CXADR: variants seen among roughly 807,000 people sequenced by gnomAD.
CXADR encodes CXADR cell adhesion molecule.
CXADR carries 20 observed loss-of-function variants against 40.3 expected under a neutral mutation model. That is an observed-to-expected ratio of 0.50 (90% CI 0.35 to 0.72). The LOEUF (loss-of-function observed/expected upper bound fraction) is 0.72, where lower values mean the gene tolerates loss of function less well. CXADR is among the 30% of genes least tolerant of loss of function. The pLI is 0.01. For missense variants in CXADR, 332 were observed against 449.1 expected (o/e 0.74, Z 2.36); for synonymous variants, 150 against 161.3 (o/e 0.93, Z 0.53).
the CXADR span, among the ~76,000 whole-genome samples, chr21:17,619,297 A>G: frequency 2.0e-5 from 3 of 152,226 alleles, no homozygotes; most frequent in African/African-American, 7.2e-5. Context: ...AGGTGGGTGG[A>G]TCATGTAAAA....
Position 17,566,170 on chromosome 21 carries a change from A to G in CXADR, c.*478A>G, listed in dbSNP as rs1308880067. The G allele has an allele frequency of 1.2e-5, 12 of 984,760 alleles. No individual in the cohort carries two copies. Among genetic ancestry groups the G allele is most frequent in the Non-Finnish European group, 1.4e-5 (12 of 829,428 alleles). The allele number at this position is 984,760 out of a possible 1,614,324, so 61.0% of individuals were successfully genotyped here. A position where few individuals can be genotyped will look rare whatever the true frequency, so the allele number is the denominator to read the frequency against. On this transcript the variant is annotated 3_prime_UTR_variant, in exon 7 of 7. Coordinates refer to ENST00000284878, the MANE Select transcript of CXADR (RefSeq NM_001338.5). ...ATATCCATGACAAAATTACTTACGTATGTTTGTACTTGGTTTTACAGCTCC... is the reference window on the plus strand; with the variant it reads ...ATATCCATGACAAAATTACTTACGTGTGTTTGTACTTGGTTTTACAGCTCC...
chr21:17,603,069 C>G, the CXADR span, among the ~76,000 whole-genome samples: 1 of 152,178 alleles, frequency 6.6e-6, no homozygotes, highest in Non-Finnish European at 1.5e-5. Context: ...AATGCTGCTT[C>G]TCACATTTCA....
chr21:17,634,351 A>G, the CXADR span, among the ~76,000 whole-genome samples: 1 of 152,144 alleles, frequency 6.6e-6, no homozygotes, highest in African/African-American at 2.4e-5. Flanking sequence ...ACTTTGCAAA[A>G]TTTTGTTCAT....
At chr21:17,527,601 A>C (rs999991391) in intron 1 of CXADR, among the ~76,000 whole-genome samples, 2 of 152,120 alleles carry the variant, frequency 1.3e-5, no homozygotes, top group Admixed American at 1.3e-4. Context: ...TCGTGCAGCT[A>C]TGGTACCAGG....
intron 1 of CXADR, among the ~76,000 whole-genome samples, chr21:17,526,783 T>G (rs2060603256): frequency 6.6e-6 from 1 of 152,254 alleles, no homozygotes; most frequent in Non-Finnish European, 1.5e-5. Context: ...ATATCTTATT[T>G]TCTGTGATCA....
intron 1 of CXADR, among the ~76,000 whole-genome samples, chr21:17,535,988 A>G (rs996891504): frequency 6.6e-6 from 1 of 152,214 alleles, no homozygotes; most frequent in East Asian, 1.9e-4. Flanking sequence ...AGCCTGGGTG[A>G]CAGAGCCAGA....
the CXADR span, among the ~76,000 whole-genome samples, chr21:17,629,387 CAA>C: frequency 1.6e-3 from 130 of 80,556 alleles, no homozygotes; most frequent in African/African-American, 4.5e-3. Flanking sequence ...GACTGTGTCT[CAA>C]AAAAAAAAAA....
intron 1 of CXADR, among the ~76,000 whole-genome samples, chr21:17,541,109 A>G (rs1600985599): frequency 6.6e-6 from 1 of 152,116 alleles, no homozygotes; most frequent in East Asian, 1.9e-4. Flanking sequence ...GTTAGGATTG[A>G]TGAACCCGTA....
the CXADR span, among the ~76,000 whole-genome samples, chr21:17,607,696 T>C: frequency 6.6e-6 from 1 of 152,194 alleles, no homozygotes. Flanking sequence ...AAAGTGTTGA[T>C]TTGTGTAGGA....
downstream of CXADR, among the ~76,000 whole-genome samples, chr21:17,572,060 C>A (rs1407832827): frequency 1.3e-5 from 2 of 152,048 alleles, no homozygotes; most frequent in Admixed American, 6.6e-5. Context: ...CTGGCCTGGT[C>A]TCTTCAAAAA....
intron 7 of CXADR, among the ~76,000 whole-genome samples, chr21:17,586,672 G>T (rs1347725523): frequency 6.6e-6 from 1 of 151,578 alleles, no homozygotes. Flanking sequence ...TTTGAAGTAG[G>T]GGGTTAATTT....
At chr21:17,542,796 C>A in intron 1 of CXADR, among the ~76,000 whole-genome samples, 1 of 152,268 alleles carries the variant, frequency 6.6e-6, no homozygotes, top group East Asian at 1.9e-4. Context: ...AAGTAGTTTG[C>A]AAGTTAAATT....
intron 3 of CXADR, among the ~76,000 whole-genome samples, chr21:17,554,583 G>T (rs914634053): frequency 3.3e-5 from 5 of 152,176 alleles, no homozygotes; most frequent in African/African-American, 1.2e-4. Flanking sequence ...ATCTGGACGA[G>T]GTTGTGTCAG....
At chr21:17,563,940 C>CA (rs35020228) in intron 6 of CXADR, among the ~76,000 whole-genome samples, 1,410 of 37,168 alleles carry the variant, frequency 0.038, 156 homozygotes, top group African/African-American at 0.1. Flanking sequence ...GACTCTGTCT[C>CA]AAAAAAAAAA....
At chr21:17,528,789 C>T (rs2060632111) in intron 1 of CXADR, among the ~76,000 whole-genome samples, 1 of 152,140 alleles carries the variant, frequency 6.6e-6, no homozygotes, top group Non-Finnish European at 1.5e-5. Flanking sequence ...TCTCATTCTG[C>T]ATCACACCTT....
intron 1 of CXADR, among the ~76,000 whole-genome samples, chr21:17,519,496 A>AT (rs540259398): frequency 9.9e-4 from 150 of 152,134 alleles, no homozygotes; most frequent in Admixed American, 7.8e-3. Flanking sequence ...ACCTCGTTCT[A>AT]TTTTTTCTCC....
chr21:17,550,098 T>C (rs2060946533), intron 2 of CXADR, among the ~76,000 whole-genome samples: 1 of 152,158 alleles, frequency 6.6e-6, no homozygotes, highest in South Asian at 2.1e-4. Flanking sequence ...AGCTCATGCC[T>C]GTAGTCCCAG....
At chr21:17,528,060 A>C (rs540972052) in intron 1 of CXADR, among the ~76,000 whole-genome samples, 95 of 127,128 alleles carry the variant, frequency 7.5e-4, no homozygotes, top group African/African-American at 2.7e-3. Flanking sequence ...CCTTATGCTT[A>C]GTTCTTTCTT....
At position 17,530,869 on chromosome 21, in the gene CXADR, A is replaced by G. The variant is rs1312837958; in HGVS notation, c.44-16158A>G. On this transcript the variant is annotated intron_variant, in intron 1 of 6. Transcript: ENST00000284878. ...CATTATCCTACATGTGTTTTCATGC[A>G]TATGCACATAAATTTCTCCCTATCA... Among the ~76,000 whole-genome samples the G allele has an allele frequency of 1.3e-5, 2 of 152,194 alleles. 1 individual carries two copies. Among genetic ancestry groups the G allele is most frequent in the South Asian group, 4.1e-4 (2 of 4,828 alleles).
Sources: allele counts gnomAD v4.1 joint callset (sites outside exome capture counted in the v4.1 genomes callset), GRCh38; gene constraint gnomAD v4.1.1; transcripts MANE v1.5; gene names NCBI Gene and HGNC (gene_info 2026-07-23, HGNC 2026-07-21).